Variants in DENND1B observed in about 807,000 individuals in gnomAD.
DENND1B encodes the protein DENN domain-containing protein 1B.
A neutral mutation model predicts 90.1 loss-of-function variants in DENND1B; 59 were observed. The observed-to-expected ratio is 0.65, with a 90% CI of 0.53 to 0.81. The LOEUF (loss-of-function observed/expected upper bound fraction) is 0.81. DENND1B is among the 40% of genes least tolerant of loss of function. The pLI, the probability that DENND1B is intolerant of heterozygous loss-of-function variation, is 0.00. For missense variants in DENND1B, 862 were observed against 912.6 expected (o/e 0.94, Z 0.71); for synonymous variants, 337 against 324.6 (o/e 1.04, Z -0.41).
intron 2 of DENND1B, among the ~76,000 whole-genome samples, chr1:197,751,059 AG>A (rs1338748179): frequency 1.3e-5 from 2 of 152,204 alleles, no homozygotes; most frequent in Admixed American, 1.3e-4. Flanking sequence ...AAAACATAAA[AG>A]GTTCGAAAAG....
At chr1:197,776,166 G>A (rs190099642), upstream of DENND1B, among the ~76,000 whole-genome samples, 1 of 152,328 alleles carries the variant, frequency 6.6e-6, no homozygotes, top group East Asian at 1.9e-4. Flanking sequence ...CTGAATAAGC[G>A]TGGGAGGGAC....
At chr1:197,625,992 C>G (rs1233694197) in intron 10 of DENND1B, among the ~76,000 whole-genome samples, 1 of 152,028 alleles carries the variant, frequency 6.6e-6, no homozygotes, top group Non-Finnish European at 1.5e-5. Flanking sequence ...TACATATGCA[C>G]CCAATACAGG....
chr1:197,671,294 C>T (rs1453700889), intron 5 of DENND1B, among the ~76,000 whole-genome samples: 2 of 152,088 alleles, frequency 1.3e-5, no homozygotes, highest in East Asian at 3.9e-4. Flanking sequence ...GAATGCTAAC[C>T]TTTAGAACCC....
chr1:197,521,482 T>C (rs1668772571), intron 20 of DENND1B, among the ~76,000 whole-genome samples: 1 of 151,926 alleles, frequency 6.6e-6, no homozygotes, highest in Non-Finnish European at 1.5e-5. Flanking sequence ...TTGTAATACA[T>C]AAATTTTTTG....
chr1:197,754,055 T>C (rs891622172), intron 2 of DENND1B, among the ~76,000 whole-genome samples: 1 of 151,590 alleles, frequency 6.6e-6, no homozygotes, highest in Non-Finnish European at 1.5e-5. Context: ...TTAAAATACA[T>C]ATAGGACTTA....
At chr1:197,642,587 T>C in intron 10 of DENND1B, 124 bp downstream of exon 10, 2 of 582,654 alleles carry the variant, frequency 3.4e-6, no homozygotes, top group Non-Finnish European at 5.7e-6. Flanking sequence ...AAACCATACA[T>C]CAAAAACGTA....
chr1:197,612,025 T>C, intron 11 of DENND1B, 49 bp from the exon 12 acceptor site: 2 of 1,413,746 alleles, frequency 1.4e-6, no homozygotes, highest in East Asian at 2.3e-5. Flanking sequence ...TCATTAAAAC[T>C]GAAACAACAG....
At chr1:197,551,834 T>C (rs934237102) in intron 16 of DENND1B, among the ~76,000 whole-genome samples, 4 of 152,112 alleles carry the variant, frequency 2.6e-5, no homozygotes, top group African/African-American at 4.8e-5. Context: ...AAAAGTTCCA[T>C]TGAAGCTAAA....
At chr1:197,734,466 A>G (rs1381945983) in intron 2 of DENND1B, 1 of 981,404 alleles carries the variant, frequency 1.0e-6, no homozygotes, top group Admixed American at 6.2e-5. Flanking sequence ...AAATTAAGTG[A>G]AAACTATATA....
In DENND1B at chr1:197,720,568, T is replaced by G. The variant is rs201950964; in HGVS notation, c.83-5494A>C. Among the ~76,000 whole-genome samples, 1,191 of 152,056 alleles carry G rather than the reference T, an allele frequency of 7.8e-3. 9 individuals are homozygous for G. Among genetic ancestry groups the G allele is most frequent in the African/African-American group, 0.023 (975 of 41,518 alleles). ...ACCATAATTTTATATTCAGCCTGAT[T>G]AAAAAAAACGGTTTAAGGAAACAAT... On this transcript the variant is annotated intron_variant, in intron 2 of 22. Coordinates refer to ENST00000620048, the MANE Select transcript of DENND1B (RefSeq NM_001195215.2).
rs1229634042 is a variant in DENND1B, at chr1:197,642,624, T to C, written c.672+87A>G. 10 of 845,096 alleles carry C rather than the reference T, an allele frequency of 1.2e-5. No homozygotes were observed. In the East Asian group the frequency reaches 1.9e-4, roughly 16 times the overall value. 52.3% of individuals were successfully genotyped at this position (845,096 alleles called of 1,614,324 possible). A position where few individuals can be genotyped will look rare whatever the true frequency, so the allele number is the denominator to read the frequency against. On this transcript the variant is annotated intron_variant, in intron 10 of 22. Coordinates refer to ENST00000620048, the MANE Select transcript of DENND1B (RefSeq NM_001195215.2). ...GTAGATATTGTCTTATAAGTACACA[T>C]AGCACATTTCTAAATCTGCAAAGGT...
chr1:197,746,912 C>T (rs768140002), intron 2 of DENND1B: 14 of 1,591,508 alleles, frequency 8.8e-6, no homozygotes, highest in Admixed American at 1.7e-5. Context: ...ACCAAGCTCT[C>T]GAGTAGCTAG....
At chr1:197,753,596 A>G (rs772433124) in intron 2 of DENND1B, among the ~76,000 whole-genome samples, 1 of 151,976 alleles carries the variant, frequency 6.6e-6, no homozygotes, top group Non-Finnish European at 1.5e-5. Flanking sequence ...TGAATTTACC[A>G]CTCTGGTGGG....
upstream of DENND1B, among the ~76,000 whole-genome samples, chr1:197,780,076 A>G (rs535024167): frequency 4.6e-5 from 7 of 152,286 alleles, no homozygotes; most frequent in Non-Finnish European, 8.8e-5. Flanking sequence ...AATTCTTCAG[A>G]CCATTCATGT....
intron 20 of DENND1B, among the ~76,000 whole-genome samples, chr1:197,524,064 C>A (rs1408779614): frequency 6.6e-6 from 1 of 150,920 alleles, no homozygotes; most frequent in African/African-American, 2.4e-5. Flanking sequence ...TAAGACAGGT[C>A]AATAGAAATT....
chr1:197,676,113 T>C (rs1656048615), intron 3 of DENND1B, among the ~76,000 whole-genome samples: 1 of 147,280 alleles, frequency 6.8e-6, no homozygotes, highest in Admixed American at 6.8e-5. Flanking sequence ...TCTCAGCTTA[T>C]GTCAGTGACA....
At chr1:197,645,572 C>T in intron 9 of DENND1B, 118 bp downstream of exon 9, 1 of 504,268 alleles carries the variant, frequency 2.0e-6, no homozygotes, top group Non-Finnish European at 3.3e-6. Flanking sequence ...TTATTTCTCA[C>T]AAACACAGAT....
At chr1:197,700,590 C>CA (rs1658924409) in intron 3 of DENND1B, among the ~76,000 whole-genome samples, 1 of 151,950 alleles carries the variant, frequency 6.6e-6, no homozygotes, top group Non-Finnish European at 1.5e-5. Context: ...CAACAAAAGC[C>CA]AAAATTGATA....
At chr1:197,749,940 TG>T (rs1211681361) in intron 2 of DENND1B, among the ~76,000 whole-genome samples, 1 of 152,110 alleles carries the variant, frequency 6.6e-6, no homozygotes, top group Non-Finnish European at 1.5e-5. Flanking sequence ...CTGGAGCTCC[TG>T]GGCTCAAGGA....
Sources: allele counts gnomAD v4.1 joint callset (sites outside exome capture counted in the v4.1 genomes callset), GRCh38; gene constraint gnomAD v4.1.1; transcripts MANE v1.5; gene names NCBI Gene and HGNC (gene_info 2026-07-23, HGNC 2026-07-21).